Variants in ZEB1 observed in about 807,000 individuals in gnomAD.
ZEB1 encodes zinc finger E-box binding homeobox 1.
ZEB1 carries 21 observed loss-of-function variants against 84.9 expected under a neutral mutation model. The ratio of observed to expected loss-of-function variants is 0.25; its 90% CI spans 0.18 to 0.36. ZEB1 has a LOEUF of 0.36. ZEB1 is among the 10% of genes least tolerant of loss of function. The pLI is 1.00. For synonymous variants in ZEB1, 420 were observed against 471.1 expected, an observed-to-expected ratio of 0.89 and a Z score of 1.41; for missense variants, 1,104 against 1,330.2, an observed-to-expected ratio of 0.83 and a Z score of 2.65.
intron 1 of ZEB1, chr10:31,387,898 C>A (rs1023029374): frequency 7.6e-5 from 22 of 290,162 alleles, no homozygotes; most frequent in African/African-American, 4.1e-4. Flanking sequence ...TTTCGTCTTA[C>A]AACTTCTTCC....
At chr10:31,349,201 T>G (rs1338074506) in intron 1 of ZEB1, among the ~76,000 whole-genome samples, 1 of 152,206 alleles carries the variant, frequency 6.6e-6, no homozygotes, top group Non-Finnish European at 1.5e-5. Flanking sequence ...CTTATTTCAC[T>G]TATTATAATG....
At position 31,478,868 on chromosome 10, in the gene ZEB1, T is replaced by C. The variant is rs138443518; in HGVS notation, c.260-16908T>C. On this transcript the variant is annotated intron_variant, in intron 2 of 8. Coordinates refer to ENST00000424869, the MANE Select transcript of ZEB1 (RefSeq NM_001174096.2). The stretch of plus-strand genomic sequence containing the variant: ...TTGGAGACTCCAAAAAGGGGGAAGG[T>C]AAAAGGGGAATTCGGATTTTTATAA... 2.1e-3 allele frequency among the ~76,000 whole-genome samples: 324 copies of C among 151,602 alleles called. 2 individuals carry two copies. The highest frequency in any genetic ancestry group is 7.4e-3 in the African/African-American group (306 of 41,400).
chr10:31,468,178 C>T (rs1049587440), intron 2 of ZEB1, among the ~76,000 whole-genome samples: 2 of 152,208 alleles, frequency 1.3e-5, no homozygotes, highest in African/African-American at 4.8e-5. Flanking sequence ...ATCACGGGCT[C>T]ACCAGACCCA....
intron 2 of ZEB1, among the ~76,000 whole-genome samples, chr10:31,482,823 T>C (rs1235042539): frequency 3.3e-5 from 5 of 152,024 alleles, no homozygotes; most frequent in Non-Finnish European, 7.4e-5. Context: ...TATTGGAATA[T>C]AATAATAATT....
chr10:31,433,031 A>G (rs2057905552), intron 1 of ZEB1, among the ~76,000 whole-genome samples: 2 of 144,566 alleles, frequency 1.4e-5, no homozygotes, highest in Admixed American at 6.7e-5. Context: ...ATATTCTTTG[A>G]TTACCAAAAC....
intron 4 of ZEB1, among the ~76,000 whole-genome samples, chr10:31,509,772 A>G (rs573058527): frequency 3.6e-4 from 55 of 152,342 alleles, no homozygotes; most frequent in African/African-American, 1.2e-3. Context: ...TTACAAAAAG[A>G]TATCACTTAA....
chr10:31,478,368 A>G (rs946825285), intron 2 of ZEB1, among the ~76,000 whole-genome samples: 5 of 152,114 alleles, frequency 3.3e-5, no homozygotes, highest in Middle Eastern at 3.4e-3. Flanking sequence ...GTTGGCATGG[A>G]TGCAGAGAGA....
intron 4 of ZEB1, among the ~76,000 whole-genome samples, chr10:31,508,823 G>T (rs757106475): frequency 6.6e-6 from 1 of 152,170 alleles, no homozygotes; most frequent in Non-Finnish European, 1.5e-5. Flanking sequence ...GGAAATGTGC[G>T]CTTTAGCCCC....
chr10:31,474,730 T>G (rs199536412), intron 2 of ZEB1, among the ~76,000 whole-genome samples: 3 of 152,122 alleles, frequency 2.0e-5, no homozygotes, highest in South Asian at 4.2e-4. Flanking sequence ...CAAAGGACTA[T>G]AAATCATGCT....
At chr10:31,427,738 A>G (rs534339599) in intron 1 of ZEB1, among the ~76,000 whole-genome samples, 1 of 152,062 alleles carries the variant, frequency 6.6e-6, no homozygotes, top group Non-Finnish European at 1.5e-5. Context: ...GGGCGCCTGT[A>G]GTCCCAGCTA....
At chr10:31,343,047 C>G (rs934246207) in intron 1 of ZEB1, among the ~76,000 whole-genome samples, 4 of 152,154 alleles carry the variant, frequency 2.6e-5, no homozygotes, top group South Asian at 4.1e-4. Context: ...ACAAAATGCA[C>G]TTGCTCTTCT....
intron 2 of ZEB1, among the ~76,000 whole-genome samples, chr10:31,488,213 G>C (rs1010747997): frequency 1.3e-5 from 2 of 151,018 alleles, no homozygotes; most frequent in Non-Finnish European, 3.0e-5. Context: ...GTTTTGTTTT[G>C]CTTAGGAGGA....
At chr10:31,498,639 T>C (rs1194089806) in intron 3 of ZEB1, among the ~76,000 whole-genome samples, 2 of 152,068 alleles carry the variant, frequency 1.3e-5, no homozygotes, top group Non-Finnish European at 2.9e-5. Flanking sequence ...AATGGACATA[T>C]AAAATTTTTC....
intron 1 of ZEB1, among the ~76,000 whole-genome samples, chr10:31,412,448 C>T (rs1487353133): frequency 6.6e-6 from 1 of 152,092 alleles, no homozygotes; most frequent in African/African-American, 2.4e-5. Flanking sequence ...TGTGATGTTC[C>T]CCTTCCTGTG....
At chr10:31,403,754 C>A (rs2052484458) in intron 1 of ZEB1, among the ~76,000 whole-genome samples, 1 of 151,910 alleles carries the variant, frequency 6.6e-6, no homozygotes, top group South Asian at 2.1e-4. Flanking sequence ...ATTCAGCTTT[C>A]CTTTTGTAAA....
intron 1 of ZEB1, among the ~76,000 whole-genome samples, chr10:31,341,444 G>C (rs1242294849): frequency 6.6e-6 from 1 of 151,942 alleles, no homozygotes; most frequent in Non-Finnish European, 1.5e-5. Context: ...ACACCAAACA[G>C]AGTGAATATA....
chr10:31,493,561 C>A (rs574651085), intron 2 of ZEB1, among the ~76,000 whole-genome samples: 22 of 151,974 alleles, frequency 1.4e-4, no homozygotes, highest in Middle Eastern at 6.8e-3. Context: ...TACTTTACTC[C>A]CCTTTTAATT....
At chr10:31,325,536 T>C (rs760216712) in intron 1 of ZEB1, among the ~76,000 whole-genome samples, 5 of 152,064 alleles carry the variant, frequency 3.3e-5, no homozygotes, top group Non-Finnish European at 7.4e-5. Context: ...ACTATGTTTG[T>C]AGAAAACCTT....
At chr10:31,457,855 A>C (rs1391841985) in intron 1 of ZEB1, among the ~76,000 whole-genome samples, 2 of 152,192 alleles carry the variant, frequency 1.3e-5, no homozygotes, top group African/African-American at 4.8e-5. Context: ...TTTCAAGCCC[A>C]AAATACTCTA....
Sources: allele counts gnomAD v4.1 joint callset (sites outside exome capture counted in the v4.1 genomes callset), GRCh38; gene constraint gnomAD v4.1.1; transcripts MANE v1.5; gene names NCBI Gene and HGNC (gene_info 2026-07-23, HGNC 2026-07-21).